Variants in RBFOX1 observed in about 807,000 individuals in gnomAD.
The protein encoded by RBFOX1 is RNA binding protein fox-1 homolog 1.
RBFOX1 carries 8 observed loss-of-function variants against 57.7 expected under a neutral mutation model. That is an observed-to-expected ratio of 0.14 (90% CI 0.08 to 0.25). The LOEUF (loss-of-function observed/expected upper bound fraction) is 0.25. Among genes scored for constraint, RBFOX1 ranks in the 10% least tolerant of loss-of-function variants. RBFOX1 has a pLI of 1.00. For missense variants in RBFOX1, 611 were observed against 548.5 expected (o/e 1.11, Z -1.14); for synonymous variants, 326 against 222.4 (o/e 1.47, Z -4.15).
intron 4 of RBFOX1, among the ~76,000 whole-genome samples, chr16:5,881,111 T>C (rs1461448199): frequency 6.6e-6 from 1 of 152,228 alleles, no homozygotes; most frequent in Non-Finnish European, 1.5e-5. Context: ...TATTTTTTCC[T>C]ATCGAAGTTC....
chr16:5,537,791 C>T (rs4786040), intron 2 of RBFOX1, among the ~76,000 whole-genome samples: 47,781 of 152,120 alleles, frequency 0.31, 8,809 homozygotes, highest in East Asian at 0.85. Flanking sequence ...TTAGATTGAG[C>T]TCACTTGGAT....
intron 4 of RBFOX1, among the ~76,000 whole-genome samples, chr16:7,265,186 G>A (rs2095080181): frequency 6.6e-6 from 1 of 152,144 alleles, no homozygotes; most frequent in Non-Finnish European, 1.5e-5. Flanking sequence ...ATAGCAAAGT[G>A]CCATAGACAG....
At chr16:6,474,659 C>A (rs1426032031) in intron 2 of RBFOX1, among the ~76,000 whole-genome samples, 1 of 152,096 alleles carries the variant, frequency 6.6e-6, no homozygotes, top group East Asian at 1.9e-4. Flanking sequence ...GGAACCCAGC[C>A]AGGGAAACGG....
intron 3 of RBFOX1, among the ~76,000 whole-genome samples, chr16:6,882,431 C>G (rs1348435997): frequency 5.3e-5 from 8 of 152,018 alleles, no homozygotes; most frequent in Non-Finnish European, 8.8e-5. Flanking sequence ...CCCATCTTCA[C>G]TAAAAATACA....
At chr16:6,212,981 A>G (rs188508461) in intron 1 of RBFOX1, among the ~76,000 whole-genome samples, 41 of 152,280 alleles carry the variant, frequency 2.7e-4, no homozygotes, top group Admixed American at 2.4e-3. Flanking sequence ...TAATAAGTGA[A>G]GTATGTTAAT....
rs951865335 is a variant in RBFOX1, at chr16:7,695,995, A to G, written c.996-13061A>G. On this transcript the variant is annotated intron_variant, in intron 14 of 15. Transcript: ENST00000550418. ...GATAGTGAGATGAAAATCATTAAGC[A>G]GTAGAACAGCAGCATTTCAGGATTT... Among the ~76,000 whole-genome samples the G allele has an allele frequency of 3.9e-5, 6 of 152,214 alleles. 1 individual carries two copies. In the South Asian group the frequency reaches 1.2e-3, roughly 32 times the overall value.
intron 3 of RBFOX1, among the ~76,000 whole-genome samples, chr16:7,000,163 C>T (rs1327452187): frequency 2.0e-5 from 3 of 150,910 alleles, no homozygotes; most frequent in East Asian, 3.9e-4. Context: ...TATGAGAATT[C>T]TTAAGGAAAA....
At chr16:5,767,837 C>G (rs563971344) in intron 3 of RBFOX1, among the ~76,000 whole-genome samples, 2 of 152,268 alleles carry the variant, frequency 1.3e-5, no homozygotes, top group East Asian at 3.9e-4. Flanking sequence ...CCTCCTCCCC[C>G]TCACTCAGCA....
chr16:5,552,284 C>T (rs954722049), intron 2 of RBFOX1, among the ~76,000 whole-genome samples: 10 of 152,154 alleles, frequency 6.6e-5, no homozygotes, highest in Admixed American at 1.3e-4. Flanking sequence ...TTAAGCATTC[C>T]GTCATATGTT....
At chr16:6,867,073 AT>A (rs1435676028) in intron 3 of RBFOX1, among the ~76,000 whole-genome samples, 2 of 151,916 alleles carry the variant, frequency 1.3e-5, no homozygotes, top group African/African-American at 4.8e-5. Flanking sequence ...GTATTTAAAA[AT>A]TTCATTCTAA....
chr16:7,323,345 G>T (rs2096570074), intron 4 of RBFOX1, among the ~76,000 whole-genome samples: 1 of 152,164 alleles, frequency 6.6e-6, no homozygotes, highest in Non-Finnish European at 1.5e-5. Flanking sequence ...GATTGTTTGA[G>T]CCCAGGAGTC....
intron 3 of RBFOX1, among the ~76,000 whole-genome samples, chr16:6,751,445 C>G (rs746614047): frequency 2.0e-5 from 3 of 152,156 alleles, no homozygotes; most frequent in Non-Finnish European, 2.9e-5. Context: ...CATTTGTACC[C>G]TGATGACTGA....
At chr16:7,619,914 G>A (rs1046978235) in intron 10 of RBFOX1, among the ~76,000 whole-genome samples, 24 of 152,266 alleles carry the variant, frequency 1.6e-4, no homozygotes, top group African/African-American at 5.5e-4. Context: ...TGGCTCTGCC[G>A]GACAGGAATC....
chr16:6,747,715 C>A (rs1205860884), intron 3 of RBFOX1, among the ~76,000 whole-genome samples: 1 of 152,086 alleles, frequency 6.6e-6, no homozygotes, highest in African/African-American at 2.4e-5. Context: ...AGAAATATGT[C>A]TTCTGGGCAC....
intron 1 of RBFOX1, among the ~76,000 whole-genome samples, chr16:6,143,856 T>C (rs1011351799): frequency 1.3e-5 from 2 of 151,882 alleles, no homozygotes; most frequent in Non-Finnish European, 2.9e-5. Context: ...AGTACAGTGG[T>C]GCATTCACTG....
chr16:5,739,256 T>C (rs567818667), intron 3 of RBFOX1, among the ~76,000 whole-genome samples: 1 of 152,328 alleles, frequency 6.6e-6, no homozygotes, highest in Admixed American at 6.5e-5. Flanking sequence ...GCGTCCAATA[T>C]GGATATTAAG....
chr16:6,778,268 A>G (rs901159285), intron 3 of RBFOX1, among the ~76,000 whole-genome samples: 2 of 152,122 alleles, frequency 1.3e-5, no homozygotes, highest in African/African-American at 4.8e-5. Context: ...AGTGTTTTTT[A>G]TTGTACAAAG....
At chr16:5,965,229 A>T (rs1385813880) in intron 4 of RBFOX1, among the ~76,000 whole-genome samples, 1 of 152,210 alleles carries the variant, frequency 6.6e-6, no homozygotes, top group Non-Finnish European at 1.5e-5. Flanking sequence ...CCTAAAATAC[A>T]GTATAGTGAC....
chr16:6,816,968 A>T (rs2090217648), intron 3 of RBFOX1, among the ~76,000 whole-genome samples: 1 of 151,962 alleles, frequency 6.6e-6, no homozygotes, highest in South Asian at 2.1e-4. Flanking sequence ...GGGTGGTCTC[A>T]TACTCCTGTG....
Sources: gnomAD v4.1 joint callset for allele counts (sites outside exome capture counted in the v4.1 genomes callset) on GRCh38, gnomAD v4.1.1 for gene constraint, MANE v1.5 for transcripts, NCBI Gene and HGNC (gene_info 2026-07-23, HGNC 2026-07-21) for gene names.